ATRNL1: variants seen among roughly 807,000 people sequenced by gnomAD.
ATRNL1 encodes the protein attractin like 1.
In ATRNL1, 95 loss-of-function variants were observed where a neutral mutation model predicts 182.7. That is an observed-to-expected ratio of 0.52 (90% CI 0.44 to 0.62). The LOEUF is 0.62. ATRNL1 is among the 20% of genes least tolerant of loss of function. The probability of loss-of-function intolerance (pLI) is 0.00; values close to 1 mark genes in which losing one functional copy is unlikely to be tolerated. For synonymous variants in ATRNL1, 576 were observed against 568.3 expected, an observed-to-expected ratio of 1.01 and a Z score of -0.19; for missense variants, 1,471 against 1,679.5, an observed-to-expected ratio of 0.88 and a Z score of 2.17.
chr10:115,116,329 A>AG (rs1554869952), intron 1 of ATRNL1, among the ~76,000 whole-genome samples: 1 of 152,146 alleles, frequency 6.6e-6, no homozygotes, highest in African/African-American at 2.4e-5. Context: ...ATAATATTAG[A>AG]AATAGTAGTT....
intron 26 of ATRNL1, among the ~76,000 whole-genome samples, chr10:115,607,361 T>G (rs1856924500): frequency 6.6e-6 from 1 of 151,832 alleles, no homozygotes; most frequent in Non-Finnish European, 1.5e-5. Context: ...GAATTCTCTG[T>G]TTATGATCTC....
intron 25 of ATRNL1, among the ~76,000 whole-genome samples, chr10:115,519,720 G>T (rs1850821424): frequency 6.6e-6 from 1 of 152,108 alleles, no homozygotes; most frequent in African/African-American, 2.4e-5. Context: ...ATTCGTTGTA[G>T]GTTCATAAAA....
chr10:115,278,814 G>C (rs146819444), intron 13 of ATRNL1, among the ~76,000 whole-genome samples: 247 of 152,268 alleles, frequency 1.6e-3, no homozygotes, highest in African/African-American at 5.6e-3. Flanking sequence ...TGTCAAGTCA[G>C]TTGGATGATT....
chr10:115,317,930 A>T (rs782683356), intron 18 of ATRNL1, among the ~76,000 whole-genome samples: 1 of 152,044 alleles, frequency 6.6e-6, no homozygotes, highest in Admixed American at 6.6e-5. Context: ...TTCTAGTACC[A>T]TGTTGGATAG....
intron 24 of ATRNL1, among the ~76,000 whole-genome samples, chr10:115,518,254 A>T (rs1850739387): frequency 6.6e-6 from 1 of 151,920 alleles, no homozygotes; most frequent in Admixed American, 6.6e-5. Context: ...GTTGTTTCAG[A>T]TACTTCACCT....
At chr10:115,122,903 CAATT>C (rs1183736835) in intron 3 of ATRNL1, among the ~76,000 whole-genome samples, 1 of 152,086 alleles carries the variant, frequency 6.6e-6, no homozygotes, top group South Asian at 2.1e-4. Flanking sequence ...TTTATTGTAA[CAATT>C]AAATTTGATC....
chr10:115,292,968 A>G (rs1554921353), intron 15 of ATRNL1, among the ~76,000 whole-genome samples: 1 of 152,098 alleles, frequency 6.6e-6, no homozygotes, highest in Non-Finnish European at 1.5e-5. Flanking sequence ...GTCTCCAAGT[A>G]TTATTGTTTT....
chr10:115,412,488 G>A (rs1193912190), intron 20 of ATRNL1, among the ~76,000 whole-genome samples: 2 of 152,190 alleles, frequency 1.3e-5, no homozygotes, highest in African/African-American at 4.8e-5. Context: ...TATAATAAAT[G>A]TGTGTTGATT....
At chr10:115,495,701 G>GT (rs35800509) in intron 24 of ATRNL1, among the ~76,000 whole-genome samples, 29,551 of 148,890 alleles carry the variant, frequency 0.2, 2,995 homozygotes, top group South Asian at 0.24. Flanking sequence ...TATGATTTCA[G>GT]TTTTTTTTTT....
chr10:115,612,086 A>G (rs775487923), intron 26 of ATRNL1, among the ~76,000 whole-genome samples: 1 of 152,114 alleles, frequency 6.6e-6, no homozygotes, highest in African/African-American at 2.4e-5. Context: ...CCCCATCTCT[A>G]CTAAAAATAC....
Position 115,286,385 on chromosome 10 carries a change from G to T in ATRNL1, c.2403G>T (p.Lys801Asn), listed in dbSNP as rs781838315. Residue 801 changes from lysine (K) to asparagine (N), a missense_variant, in exon 15 of 29, where the codon AAG becomes AAT. By Grantham distance (94) the Lys-to-Asn change is moderately conservative. This residue lies in a region of ATRNL1 where 1,031 missense variants were observed against 1,156.0 expected (regional missense o/e 0.89). Transcript: ENST00000355044. ...AATTTGTTCTGGATGAAATACAGAA[G>T]TATACACAACAGGTAACATTTCTAC... ...EVEFVLDEIQ[K>N]YTQQKVSPWV... 6.3e-7 allele frequency: 1 copy of T among 1,579,316 alleles called. No homozygotes were observed.
intron 26 of ATRNL1, among the ~76,000 whole-genome samples, chr10:115,718,371 C>G (rs1555056876): frequency 6.6e-6 from 1 of 152,146 alleles, no homozygotes; most frequent in East Asian, 1.9e-4. Context: ...GTCGAACAAA[C>G]AAGACTTCTG....
intron 27 of ATRNL1, among the ~76,000 whole-genome samples, chr10:115,760,427 A>G (rs1948706625): frequency 6.6e-6 from 1 of 152,128 alleles, no homozygotes; most frequent in Non-Finnish European, 1.5e-5. Flanking sequence ...AATAATTTAT[A>G]ACTAATTTTA....
chr10:115,427,637 C>A (rs185024431), intron 21 of ATRNL1, among the ~76,000 whole-genome samples: 158 of 151,976 alleles, frequency 1.0e-3, no homozygotes, highest in African/African-American at 3.5e-3. Context: ...TTCTTTTTTT[C>A]TCCATGTAAA....
At chr10:115,303,333 T>C (rs1027655585) in intron 17 of ATRNL1, among the ~76,000 whole-genome samples, 2 of 151,168 alleles carry the variant, frequency 1.3e-5, no homozygotes, top group Non-Finnish European at 2.9e-5. Context: ...CAAGTGATTC[T>C]CTTGCCTTAG....
chr10:115,329,100 T>C (rs1376018548), intron 18 of ATRNL1, among the ~76,000 whole-genome samples: 3 of 152,114 alleles, frequency 2.0e-5, no homozygotes, highest in African/African-American at 7.2e-5. Context: ...TTCCCCTTTC[T>C]CCACATACAT....
intron 26 of ATRNL1, among the ~76,000 whole-genome samples, chr10:115,588,379 G>C (rs1555010983): frequency 6.6e-6 from 1 of 152,162 alleles, no homozygotes; most frequent in East Asian, 1.9e-4. Context: ...TCAGAGCATT[G>C]TTCTCCTAAG....
intron 28 of ATRNL1, among the ~76,000 whole-genome samples, chr10:115,926,703 A>G (rs1351038294): frequency 6.6e-6 from 1 of 152,172 alleles, no homozygotes; most frequent in African/African-American, 2.4e-5. Context: ...TCCCAAGACT[A>G]AACCAGGAAG....
At chr10:115,157,174 C>T (rs941181568) in intron 5 of ATRNL1, among the ~76,000 whole-genome samples, 1 of 151,976 alleles carries the variant, frequency 6.6e-6, no homozygotes, top group African/African-American at 2.4e-5. Context: ...ACATTGTATA[C>T]ATGTATCAAA....
Sources: allele counts gnomAD v4.1 joint callset (sites outside exome capture counted in the v4.1 genomes callset), GRCh38; gene constraint gnomAD v4.1.1; regional missense constraint gnomAD v4.1.1; transcripts MANE v1.5; gene names NCBI Gene and HGNC (gene_info 2026-07-23, HGNC 2026-07-21).